GAS2: variants seen among roughly 807,000 people sequenced by gnomAD.
GAS2 encodes the protein growth arrest specific 2.
A neutral mutation model predicts 37.5 loss-of-function variants in GAS2; 20 were observed. The observed-to-expected ratio is 0.53, with a 90% confidence interval of 0.37 to 0.77. The LOEUF (loss-of-function observed/expected upper bound fraction) is 0.77, where lower values mean the gene tolerates loss of function less well. GAS2 is among the 30% of genes least tolerant of loss of function. GAS2 has a pLI of 0.00. For missense variants in GAS2, 336 were observed against 373.4 expected (o/e 0.90, Z 0.82); for synonymous variants, 144 against 132.2 (o/e 1.09, Z -0.61).
chr11:22,636,107 T>C (rs2133810427), intron 1 of GAS2, among the ~76,000 whole-genome samples: 1 of 152,350 alleles, frequency 6.6e-6, no homozygotes, highest in East Asian at 1.9e-4. Context: ...TGTTTTTGTT[T>C]GTTTGTTTTT....
chr11:22,689,456 C>T (rs1850127804), intron 3 of GAS2, among the ~76,000 whole-genome samples: 1 of 152,124 alleles, frequency 6.6e-6, no homozygotes. Context: ...TCAATAATAA[C>T]TTGTGCCTTA....
chr11:22,755,980 G>A, intron 7 of GAS2, 27 bp downstream of exon 7: 2 of 1,470,312 alleles, frequency 1.4e-6, no homozygotes, highest in Non-Finnish European at 1.9e-6. Flanking sequence ...CACTTATCTT[G>A]TTTTTATGGG....
chr11:22,695,930 C>A (rs557405591), intron 3 of GAS2, among the ~76,000 whole-genome samples: 1 of 151,782 alleles, frequency 6.6e-6, no homozygotes, highest in African/African-American at 2.4e-5. Context: ...ATTTCTAAAA[C>A]GTTGTTTTTT....
intron 7 of GAS2, among the ~76,000 whole-genome samples, chr11:22,794,245 A>G (rs1047650491): frequency 6.6e-6 from 1 of 152,022 alleles, no homozygotes. Context: ...ATACATATAC[A>G]TTGTTAATAA....
intron 1 of GAS2, among the ~76,000 whole-genome samples, chr11:22,638,497 C>T (rs968061052): frequency 1.3e-5 from 2 of 151,972 alleles, no homozygotes; most frequent in African/African-American, 2.4e-5. Flanking sequence ...AGGCACTTGG[C>T]ACCACACCCA....
intron 1 of GAS2, among the ~76,000 whole-genome samples, chr11:22,632,645 G>A (rs1414138300): frequency 6.6e-6 from 1 of 152,028 alleles, no homozygotes; most frequent in African/African-American, 2.4e-5. Context: ...AAATAAATAA[G>A]TTTTCAAAAC....
At chr11:22,726,512 T>G in intron 4 of GAS2, 79 bp downstream of exon 4, 1 of 1,269,554 alleles carries the variant, frequency 7.9e-7, no homozygotes. Flanking sequence ...CATCAAAAAG[T>G]TTTTTGTATG....
At chr11:22,790,739 A>G (rs1856114333) in intron 7 of GAS2, among the ~76,000 whole-genome samples, 1 of 152,070 alleles carries the variant, frequency 6.6e-6, no homozygotes, top group African/African-American at 2.4e-5. Flanking sequence ...CTGGGATTAC[A>G]GGCGTGAGCC....
At chr11:22,727,423 GC>G (rs1194642563) in intron 4 of GAS2, among the ~76,000 whole-genome samples, 1 of 151,916 alleles carries the variant, frequency 6.6e-6, no homozygotes, top group Non-Finnish European at 1.5e-5. Context: ...TTGCCCCTAG[GC>G]CCCATTCCCA....
intron 5 of GAS2, among the ~76,000 whole-genome samples, chr11:22,745,600 A>T (rs1389037630): frequency 6.6e-6 from 1 of 152,182 alleles, no homozygotes; most frequent in East Asian, 1.9e-4. Context: ...GACAAGTGGG[A>T]CCTAATTAAA....
chr11:22,654,239 A>C (rs1230323241), intron 1 of GAS2, among the ~76,000 whole-genome samples: 5 of 152,202 alleles, frequency 3.3e-5, no homozygotes, highest in Non-Finnish European at 7.3e-5. Flanking sequence ...CTTGAATAGG[A>C]GTGCTTAATT....
chr11:22,802,010 T>C (rs1564895433), intron 7 of GAS2, among the ~76,000 whole-genome samples: 1 of 147,294 alleles, frequency 6.8e-6, no homozygotes. Flanking sequence ...AGAGAAAATA[T>C]AAAAAAAAAA....
chr11:22,667,220 A>T (rs566985493), intron 1 of GAS2: 18 of 152,394 alleles, frequency 1.2e-4, no homozygotes, highest in African/African-American at 4.3e-4. Context: ...TGGCTCTGCC[A>T]ACCAGGGACA....
chr11:22,675,825 T>A (rs1849403139), intron 2 of GAS2, among the ~76,000 whole-genome samples: 1 of 152,170 alleles, frequency 6.6e-6, no homozygotes, highest in African/African-American at 2.4e-5. Context: ...ACTATTTTAT[T>A]ATTTAAATCA....
chr11:22,711,998 C>T (rs548955717), intron 3 of GAS2, among the ~76,000 whole-genome samples: 1 of 152,302 alleles, frequency 6.6e-6, no homozygotes, highest in Admixed American at 6.5e-5. Flanking sequence ...CCTAAGCACT[C>T]ATCTGGCCAG....
chr11:22,799,296 A>G (rs1281296839), intron 7 of GAS2, among the ~76,000 whole-genome samples: 1 of 152,094 alleles, frequency 6.6e-6, no homozygotes, highest in Non-Finnish European at 1.5e-5. Context: ...TTAAGCATTA[A>G]AAGACAGAAA....
chr11:22,761,726 A>G (rs1458090601), intron 7 of GAS2, among the ~76,000 whole-genome samples: 1 of 152,108 alleles, frequency 6.6e-6, no homozygotes, highest in East Asian at 1.9e-4. Flanking sequence ...ATAACCTCCC[A>G]AACTCGTGTG....
intron 1 of GAS2, among the ~76,000 whole-genome samples, chr11:22,661,366 C>A (rs1398485473): frequency 6.6e-6 from 1 of 151,898 alleles, no homozygotes; most frequent in East Asian, 1.9e-4. Context: ...TATTTGGCAA[C>A]CTTAGGCTTG....
chr11:22,631,620 A>G (rs1858745949), intron 1 of GAS2, among the ~76,000 whole-genome samples: 1 of 152,096 alleles, frequency 6.6e-6, no homozygotes, highest in South Asian at 2.1e-4. Context: ...GATGAACCAC[A>G]TTTTTTGACT....
Sources: gnomAD v4.1 joint callset for allele counts (sites outside exome capture counted in the v4.1 genomes callset) on GRCh38, gnomAD v4.1.1 for gene constraint, MANE v1.5 for transcripts, NCBI Gene and HGNC (gene_info 2026-07-23, HGNC 2026-07-21) for gene names.